The following DSCAM variants were observed in gnomAD, a reference collection of about 807,000 sequenced individuals.
DSCAM encodes cell adhesion molecule DSCAM.
Under a neutral mutation model 217.7 loss-of-function variants are expected in DSCAM, and 47 were observed. The ratio of observed to expected loss-of-function variants is 0.22; its 90% confidence interval spans 0.17 to 0.28. The LOEUF is 0.28. Ranked by LOEUF, DSCAM falls within the 10% of genes least tolerant of loss-of-function variation. The pLI, the probability that DSCAM is intolerant of heterozygous loss-of-function variation, is 1.00. For synonymous variants in DSCAM, 1,056 were observed against 1,015.3 expected (o/e 1.04, Z -0.76); for missense variants, 2,080 against 2,618.3 (o/e 0.79, Z 4.49).
rs2073854702 is a variant in DSCAM, at chr21:40,288,558, GTGC to G, written c.2182+7494_2182+7496del. Among the ~76,000 whole-genome samples, 4 of 152,254 alleles carry G rather than the reference GTGC, an allele frequency of 2.6e-5. No individual in the cohort carries two copies. In the South Asian group the frequency reaches 8.3e-4, roughly 32 times the overall value. On this transcript the variant is annotated intron_variant, in intron 10 of 32. Coordinates refer to ENST00000400454, the MANE Select transcript of DSCAM (RefSeq NM_001389.5). ...AGGAGATAAACTTCTAATACGTATG[GTGC>G]TGAACAGGCAATTGAGTGTAACAGA...
intron 1 of DSCAM, among the ~76,000 whole-genome samples, chr21:40,830,085 A>G (rs2092000493): frequency 6.6e-6 from 1 of 152,216 alleles, no homozygotes; most frequent in African/African-American, 2.4e-5. Flanking sequence ...ATAAAGAAAT[A>G]CCAGAGACTG....
intron 11 of DSCAM, among the ~76,000 whole-genome samples, chr21:40,217,014 A>G (rs2033763973): frequency 6.6e-6 from 1 of 152,244 alleles, no homozygotes; most frequent in Admixed American, 6.5e-5. Context: ...AAAAGGGACC[A>G]GTGGACAGAT....
intron 3 of DSCAM, among the ~76,000 whole-genome samples, chr21:40,478,439 G>C (rs2075955507): frequency 6.6e-6 from 1 of 152,208 alleles, no homozygotes; most frequent in Non-Finnish European, 1.5e-5. Flanking sequence ...TAAAAAGATT[G>C]GTCATTTTCC....
intron 3 of DSCAM, among the ~76,000 whole-genome samples, chr21:40,492,775 G>C (rs9979785): frequency 0.14 from 21,946 of 151,990 alleles, 1,639 homozygotes; most frequent in East Asian, 0.19. Context: ...ACAGGAGTTT[G>C]AGGCAAAGAA....
At chr21:40,105,696 G>A (rs2089810723) in intron 20 of DSCAM, among the ~76,000 whole-genome samples, 1 of 152,046 alleles carries the variant, frequency 6.6e-6, no homozygotes, top group Non-Finnish European at 1.5e-5. Context: ...CAGACACTGT[G>A]AATAGGATAA....
At chr21:40,289,023 T>C (rs1334281075) in intron 10 of DSCAM, among the ~76,000 whole-genome samples, 2 of 152,214 alleles carry the variant, frequency 1.3e-5, no homozygotes, top group African/African-American at 2.4e-5. Context: ...CCAAATTTAA[T>C]GACCCTTTGT....
chr21:40,264,573 A>G (rs1399792866), intron 11 of DSCAM, among the ~76,000 whole-genome samples: 2 of 152,218 alleles, frequency 1.3e-5, no homozygotes, highest in African/African-American at 4.8e-5. Context: ...AAGAAAAGCC[A>G]TATATAACAA....
At chr21:40,302,095 T>C (rs2074023247) in intron 9 of DSCAM, among the ~76,000 whole-genome samples, 1 of 152,254 alleles carries the variant, frequency 6.6e-6, no homozygotes, top group Non-Finnish European at 1.5e-5. Context: ...TTAAAGATGA[T>C]ATTTAGATTT....
intron 4 of DSCAM, among the ~76,000 whole-genome samples, chr21:40,367,448 A>G (rs2123693867): frequency 6.6e-6 from 1 of 152,166 alleles, no homozygotes; most frequent in Non-Finnish European, 1.5e-5. Context: ...CATGACCCAA[A>G]CTCCAGATGT....
rs539403583 is a variant in DSCAM at position 40,319,644 on chromosome 21, C to G, written c.1784-7285G>C. ...GGATTATATAAATTTTTTTAGGAAA[C>G]TTCCTATTGTTTCCTATCATGTCTA... On this transcript the variant is annotated intron_variant, in intron 8 of 32. Coordinates refer to ENST00000400454, the MANE Select transcript of DSCAM (RefSeq NM_001389.5). 2.0e-5 allele frequency among the ~76,000 whole-genome samples: 3 copies of G among 152,100 alleles called. 1 individual carries two copies. In the South Asian group the frequency reaches 6.2e-4, roughly 32 times the overall value.
At chr21:40,451,983 C>T (rs935606799) in intron 3 of DSCAM, among the ~76,000 whole-genome samples, 2 of 152,072 alleles carry the variant, frequency 1.3e-5, no homozygotes, top group African/African-American at 4.8e-5. Context: ...ACAGTCAGCG[C>T]TACTGCTGAA....
intron 11 of DSCAM, among the ~76,000 whole-genome samples, chr21:40,210,976 C>A (rs190636300): frequency 2.5e-4 from 38 of 152,344 alleles, no homozygotes; most frequent in Middle Eastern, 3.4e-3. Context: ...AGGAACTATT[C>A]CACACCACAG....
chr21:40,312,463 T>C lies in DSCAM; in HGVS notation c.1784-104A>G, dbSNP rs545331549. 379 of 1,310,696 alleles carry C rather than the reference T, an allele frequency of 2.9e-4. 2 individuals are homozygous for C. The South Asian group carries it at 5.5e-3, about 19-fold the overall frequency. 81.2% of individuals were successfully genotyped at this position (1,310,696 alleles called of 1,614,324 possible). On this transcript the variant is annotated intron_variant, in intron 8 of 32. Coordinates refer to ENST00000400454, the MANE Select transcript of DSCAM (RefSeq NM_001389.5). Reference sequence around the variant, plus strand: ...AAAGGGTAGTACAGACGATCATAGATACAGCATAGAAATACAGGAACTGTA... The same window carrying C: ...AAAGGGTAGTACAGACGATCATAGACACAGCATAGAAATACAGGAACTGTA...
chr21:40,629,886 C>T (rs1029648393), intron 3 of DSCAM, among the ~76,000 whole-genome samples: 1 of 152,140 alleles, frequency 6.6e-6, no homozygotes, highest in African/African-American at 2.4e-5. Context: ...CTGACATATA[C>T]ATACAGATTA....
At chr21:40,768,692 C>T (rs919473747) in intron 1 of DSCAM, among the ~76,000 whole-genome samples, 4 of 152,166 alleles carry the variant, frequency 2.6e-5, no homozygotes, top group Admixed American at 6.5e-5. Flanking sequence ...TTGTAAGGAG[C>T]ACCTCTGCAC....
intron 1 of DSCAM, among the ~76,000 whole-genome samples, chr21:40,787,976 C>T (rs1003667041): frequency 1.3e-5 from 2 of 152,190 alleles, no homozygotes; most frequent in African/African-American, 4.8e-5. Flanking sequence ...TTGAAGGCAT[C>T]TGCTGGGTGT....
intron 11 of DSCAM, among the ~76,000 whole-genome samples, chr21:40,221,650 C>T (rs1294969826): frequency 6.6e-6 from 1 of 151,956 alleles, no homozygotes; most frequent in Non-Finnish European, 1.5e-5. Flanking sequence ...GCCTTTTTAG[C>T]CAACAGTACA....
chr21:40,017,499 C>T (rs897119666), intron 32 of DSCAM, among the ~76,000 whole-genome samples: 1 of 152,144 alleles, frequency 6.6e-6, no homozygotes, highest in Non-Finnish European at 1.5e-5. Flanking sequence ...ACGTTGGCTT[C>T]CTACTGTCAA....
intron 2 of DSCAM, among the ~76,000 whole-genome samples, chr21:40,698,012 A>G (rs150600560): frequency 0.041 from 6,305 of 152,170 alleles, 166 homozygotes; most frequent in East Asian, 0.11. Flanking sequence ...AATTTCTTTC[A>G]TACTTCTTTA....
Sources: gnomAD v4.1 joint callset for allele counts (sites outside exome capture counted in the v4.1 genomes callset) on GRCh38, gnomAD v4.1.1 for gene constraint, MANE v1.5 for transcripts, NCBI Gene and HGNC (gene_info 2026-07-23, HGNC 2026-07-21) for gene names.